SLC22A8: variants seen among roughly 807,000 people sequenced by gnomAD.
The protein encoded by SLC22A8 is organic anion transporter 3.
SLC22A8 carries 40 observed loss-of-function variants against 48.4 expected under a neutral mutation model. The observed-to-expected ratio is 0.83, with a 90% CI of 0.64 to 1.08. The LOEUF (loss-of-function observed/expected upper bound fraction) is 1.08, where lower values mean the gene tolerates loss of function less well. Among genes scored for constraint, SLC22A8 ranks in the 50% least tolerant of loss-of-function variants. SLC22A8 has a pLI of 0.00. For missense variants in SLC22A8, 606 were observed against 699.0 expected, an observed-to-expected ratio of 0.87 and a Z score of 1.50; for synonymous variants, 268 against 286.3, an observed-to-expected ratio of 0.94 and a Z score of 0.65.
In SLC22A8 at chr11:62,999,169, A is replaced by G. The variant is rs1027372135; in HGVS notation, c.593-80T>C. On this transcript the variant is annotated intron_variant, in intron 4 of 10. Coordinates refer to ENST00000336232, the MANE Select transcript of SLC22A8 (RefSeq NM_004254.4). ...CGCGTGAAGGGGCACCAGCTTCTGCATCCCCACGGCTACTGACATCCTCCC... is the reference window on the plus strand; with the variant it reads ...CGCGTGAAGGGGCACCAGCTTCTGCGTCCCCACGGCTACTGACATCCTCCC... 2.7e-5 allele frequency: 34 copies of G among 1,270,302 alleles called. No individual in the cohort carries two copies. The African/African-American group carries it at 4.8e-4, about 18-fold the overall frequency. The allele number at this position is 1,270,302 out of a possible 1,614,324, so 78.7% of individuals were successfully genotyped here. A position where few individuals can be genotyped will look rare whatever the true frequency, so the allele number is the denominator to read the frequency against.
Position 63,014,889 on chromosome 11 carries a change from G to C in SLC22A8, c.70C>G (p.Leu24Val). ...GHFQFLHVAI[L>V]GLPILNMANH... ...GCCATGTTGAGGATCGGGAGGCCCA[G>C]TATGGCTACATGCAGGAACTGGAAA... Residue 24 changes from leucine (L) to valine (V), a missense_variant, in exon 2 of 11, where the codon CTG (leucine) becomes GTG (valine). Transcript: ENST00000336232. 1 of 1,601,732 alleles carries C rather than the reference G, an allele frequency of 6.2e-7. No homozygotes were observed. The highest frequency in any genetic ancestry group is 8.5e-7 in the Non-Finnish European group (1 of 1,171,712).
chr11:62,995,383 G>T (rs866682113), intron 7 of SLC22A8: 7 of 415,084 alleles, frequency 1.7e-5, no homozygotes, highest in Middle Eastern at 6.5e-4. Context: ...TGACCCAGAG[G>T]GGGGCAGTGA....
intron 5 of SLC22A8, among the ~76,000 whole-genome samples, chr11:62,997,597 C>T (rs550272768): frequency 4.6e-5 from 7 of 152,344 alleles, no homozygotes; most frequent in African/African-American, 1.4e-4. Context: ...AAGCTCTCAA[C>T]TGTGCTCTGC....
At chr11:62,994,177 G>A (rs530531147) in intron 8 of SLC22A8, 234 of 519,354 alleles carry the variant, frequency 4.5e-4, no homozygotes, top group Non-Finnish European at 5.3e-4. Context: ...TAAAATAAAC[G>A]TAGCTTTTCC....
chr11:62,999,197 C>T lies in SLC22A8; in HGVS notation c.593-108G>A, dbSNP rs78716698. On this transcript the variant is annotated intron_variant, in intron 4 of 10. Transcript: ENST00000336232. ...CCCACGGCTACTGACATCCTCCCCACGGATGCTGTTGATATCGCCCTCCGT... is the reference window on the plus strand; with the variant it reads ...CCCACGGCTACTGACATCCTCCCCATGGATGCTGTTGATATCGCCCTCCGT... 164 of 963,520 alleles carry T rather than the reference C, an allele frequency of 1.7e-4. 1 individual carries two copies. The East Asian group carries it at 3.5e-3, about 21-fold the overall frequency. 59.7% of individuals were successfully genotyped at this position (963,520 alleles called of 1,614,324 possible).
At chr11:63,011,294 A>C (rs143752547) in intron 2 of SLC22A8, among the ~76,000 whole-genome samples, 1 of 152,162 alleles carries the variant, frequency 6.6e-6, no homozygotes, top group Admixed American at 6.5e-5. Context: ...CTAACCTTAG[A>C]GGGTTATTGT....
intron 5 of SLC22A8, among the ~76,000 whole-genome samples, chr11:62,997,096 C>G (rs1160573872): frequency 1.3e-5 from 2 of 152,246 alleles, no homozygotes; most frequent in African/African-American, 4.8e-5. Context: ...GGGCCTGGCA[C>G]TCTATCCTCC....
At chr11:63,000,874 C>T (rs370109294) in intron 2 of SLC22A8, 51 bp from the exon 3 acceptor site, 6 of 1,362,286 alleles carry the variant, frequency 4.4e-6, no homozygotes, top group Middle Eastern at 1.8e-4. Flanking sequence ...ACAGCCTGCT[C>T]AGCCATGCTC....
rs377312996 is a variant in SLC22A8 at position 62,996,133 on chromosome 11, G to T, written c.781C>A (p.Arg261Ser). ...GACTTTCCAGACAAGACCAACCAGC[G>T]TATGGACTCTGGTGTCCACCTGGGG... ...LSSWWTPESI[R>S]WLVLSGKSSK... The change falls in exon 6 of 11, where the codon CGC (arginine) becomes AGC (serine). Residue 261 changes from arginine to serine, a missense_variant. By Grantham distance (110) the Arg-to-Ser change is moderately radical. Coordinates refer to ENST00000336232, the MANE Select transcript of SLC22A8 (RefSeq NM_004254.4). 6 of 1,609,240 alleles carry T rather than the reference G, an allele frequency of 3.7e-6. No homozygotes were observed. Among genetic ancestry groups the T allele is most frequent in the Admixed American group, 1.7e-5 (1 of 59,728 alleles).
At chr11:63,008,389 G>A (rs1016913638) in intron 2 of SLC22A8, among the ~76,000 whole-genome samples, 1 of 152,306 alleles carries the variant, frequency 6.6e-6, no homozygotes, top group East Asian at 1.9e-4. Flanking sequence ...CTGCCCATGT[G>A]CATTCCTGGA....
At position 62,993,569 on chromosome 11, in the gene SLC22A8, G is replaced by C. The variant is rs759267864; in HGVS notation, c.1384C>G (p.Leu462Val). The C allele has an allele frequency of 6.2e-7, 1 of 1,613,860 alleles. No individual in the cohort carries two copies. Among genetic ancestry groups the C allele is most frequent in the Admixed American group, 1.7e-5 (1 of 60,018 alleles). ...WTRVGSMVSPLVKITGEVQPF... is the reference protein window; with the variant it reads ...WTRVGSMVSPVVKITGEVQPF... Reference sequence around the variant, plus strand: ...TGTACCTCACCCGTGATTTTCACCAGCGGGGACACCATGCTTCCCACGCGG... The same window carrying C: ...TGTACCTCACCCGTGATTTTCACCACCGGGGACACCATGCTTCCCACGCGG... Residue 462 changes from leucine (L) to valine (V), a missense_variant, in exon 10 of 11, where the codon CTG becomes GTG. By Grantham distance (32) the Leu-to-Val change is conservative (BLOSUM62 1). Coordinates refer to ENST00000336232, the MANE Select transcript of SLC22A8 (RefSeq NM_004254.4).
intron 5 of SLC22A8, 89 bp downstream of exon 5, chr11:62,998,832 A>G (rs771521369): frequency 8.4e-7 from 1 of 1,192,348 alleles, no homozygotes; most frequent in Non-Finnish European, 1.2e-6. Flanking sequence ...GCCCGGGGAC[A>G]CAGAGTTGGC....
intron 2 of SLC22A8, among the ~76,000 whole-genome samples, chr11:63,013,242 G>C (rs1371109169): frequency 6.6e-6 from 1 of 152,140 alleles, no homozygotes; most frequent in Non-Finnish European, 1.5e-5. Flanking sequence ...TCTGAACATA[G>C]CCCTAAATTC....
Position 62,999,048 on chromosome 11 carries a change from T to C in SLC22A8, c.634A>G (p.Thr212Ala), listed in dbSNP as rs148046496. 5.5e-4 allele frequency: 881 copies of C among 1,613,900 alleles called. 1 individual carries two copies. The highest frequency in any genetic ancestry group is 6.9e-4 in the Non-Finnish European group (815 of 1,179,876). The stretch of plus-strand genomic sequence containing the variant: ...AAGGTGTAGCAGTACCCGAGTGCTG[T>C]CGACATGATGGCCCGCATCCGGGTA... ...VPTRMRAIMS[T>A]ALGYCYTFGQ... Residue 212 changes from threonine to alanine, a missense_variant, in exon 5 of 11, where the codon ACA becomes GCA. Coordinates refer to ENST00000336232, the MANE Select transcript of SLC22A8 (RefSeq NM_004254.4).
chr11:62,994,754 A>C lies in SLC22A8; in HGVS notation c.1004T>G (p.Phe335Cys). 3 of 1,614,000 alleles carry C rather than the reference A, an allele frequency of 1.9e-6. No homozygotes were observed. The highest frequency in any genetic ancestry group is 2.5e-6 in the Non-Finnish European group (3 of 1,179,834). ...RMTFCLSLAW[F>C]ATGFAYYSLA... ...ACTATAGTAGGCAAAACCGGTAGCA[A>C]ACCTGAGAGGCAGAGAAGGATTGGT... Residue 335 changes from phenylalanine to cysteine, a missense_variant and splice_region_variant, in exon 8 of 11, where the codon TTT becomes TGT. Physicochemically the swap from Phe to Cys is radical, Grantham distance 205. Transcript: ENST00000336232.
intron 2 of SLC22A8, among the ~76,000 whole-genome samples, chr11:63,010,428 C>T (rs2086605558): frequency 6.6e-6 from 1 of 152,216 alleles, no homozygotes; most frequent in African/African-American, 2.4e-5. Flanking sequence ...GCCTCTGTGT[C>T]AGAGACCTAC....
chr11:63,009,003 G>T (rs545547887), intron 2 of SLC22A8, among the ~76,000 whole-genome samples: 22 of 152,084 alleles, frequency 1.4e-4, no homozygotes, highest in Admixed American at 6.5e-5. Flanking sequence ...CTCCTCCTGC[G>T]CACATAATCA....
chr11:63,003,041 C>G (rs1442921812), intron 2 of SLC22A8, among the ~76,000 whole-genome samples: 2 of 152,186 alleles, frequency 1.3e-5, no homozygotes, highest in Non-Finnish European at 2.9e-5. Context: ...AATCAGGTGC[C>G]TGTCTTGCCT....
At chr11:63,003,470 G>A (rs1158434300) in intron 2 of SLC22A8, among the ~76,000 whole-genome samples, 2 of 152,090 alleles carry the variant, frequency 1.3e-5, no homozygotes, top group Non-Finnish European at 2.9e-5. Flanking sequence ...GGAGATGGAG[G>A]AGGGACAAAG....
Sources: allele counts gnomAD v4.1 joint callset (sites outside exome capture counted in the v4.1 genomes callset), GRCh38; gene constraint gnomAD v4.1.1; transcripts MANE v1.5; gene names NCBI Gene and HGNC (gene_info 2026-07-23, HGNC 2026-07-21).